SPATA6L: variants seen among roughly 807,000 people sequenced by gnomAD.
The protein encoded by SPATA6L is spermatogenesis associated 6-like protein.
A neutral mutation model predicts 49.2 loss-of-function variants in SPATA6L; 68 were observed. That is an observed-to-expected ratio of 1.38 (90% CI 1.14 to 1.69). SPATA6L has a LOEUF of 1.69. Ranked by LOEUF, SPATA6L falls within the 40% of genes most tolerant of loss-of-function variation. SPATA6L has a pLI of 0.00. For missense variants in SPATA6L, 668 were observed against 464.3 expected (o/e 1.44, Z -4.03); for synonymous variants, 198 against 165.7 (o/e 1.19, Z -1.50).
At position 4,624,404 on chromosome 9, in the gene SPATA6L, T is replaced by G. The variant is rs3780402; in HGVS notation, c.669+923A>C. Among the ~76,000 whole-genome samples, 1,201 of 152,310 alleles carry G rather than the reference T, an allele frequency of 7.9e-3. 11 individuals are homozygous for G. Among genetic ancestry groups the G allele is most frequent in the East Asian group, 0.035 (183 of 5,180 alleles). On this transcript the variant is annotated intron_variant, in intron 6 of 11. Transcript: ENST00000682582. ...CAATGGATAAATTTTTTCTTGAACT[T>G]TTCTATGTTTTCCATTACTTTTATA...
intron 5 of SPATA6L, chr9:4,626,293 G>A (rs1830333126): frequency 9.7e-7 from 1 of 1,030,072 alleles, no homozygotes; most frequent in Admixed American, 3.6e-5. Flanking sequence ...AGACATATCA[G>A]CGGCAGCTGA....
intron 7 of SPATA6L, among the ~76,000 whole-genome samples, chr9:4,620,135 C>A (rs142209733): frequency 3.6e-4 from 55 of 152,294 alleles, no homozygotes; most frequent in African/African-American, 1.1e-3. Flanking sequence ...CTCCCACCCC[C>A]AGCTGGGCAG....
At chr9:4,622,274 C>T in intron 7 of SPATA6L, 134 bp downstream of exon 7, 1 of 612,434 alleles carries the variant, frequency 1.6e-6, no homozygotes, top group Non-Finnish European at 2.8e-6. Flanking sequence ...CTGGAAATTC[C>T]ACAGCTGGAG....
chr9:4,658,130 C>G (rs1019002833), intron 2 of SPATA6L, among the ~76,000 whole-genome samples: 2 of 152,150 alleles, frequency 1.3e-5, no homozygotes, highest in African/African-American at 4.8e-5. Flanking sequence ...GAATTGTAGC[C>G]TCCAGAACAG....
At chr9:4,595,482 A>T (rs1822186960), downstream of SPATA6L, among the ~76,000 whole-genome samples, 1 of 151,966 alleles carries the variant, frequency 6.6e-6, no homozygotes, top group Admixed American at 6.6e-5. Context: ...TGGCTCCAAA[A>T]CTCTAACGGC....
Position 4,666,193 on chromosome 9 carries a change from G to C in SPATA6L, c.39+19C>G, listed in dbSNP as rs1169139593. 6.2e-7 allele frequency: 1 copy of C among 1,613,686 alleles called. No homozygotes were observed. Among genetic ancestry groups the C allele is most frequent in the Non-Finnish European group, 8.5e-7 (1 of 1,179,768 alleles). ...AGTCCGACTTGAGGTTAAGGAGGGGGAGTTCATCGATCTCTTACCGCCCGG... is the reference window on the plus strand; with the variant it reads ...AGTCCGACTTGAGGTTAAGGAGGGGCAGTTCATCGATCTCTTACCGCCCGG... On this transcript the variant is annotated intron_variant, in intron 1 of 11. Coordinates refer to ENST00000682582, the MANE Select transcript of SPATA6L (RefSeq NM_001353486.2).
At chr9:4,590,485 A>G (rs1821836010) in intron 13 of SPATA6L, among the ~76,000 whole-genome samples, 1 of 152,146 alleles carries the variant, frequency 6.6e-6, no homozygotes, top group African/African-American at 2.4e-5. Context: ...TCATCTACAA[A>G]TCTCCGCTTG....
intron 2 of SPATA6L, among the ~76,000 whole-genome samples, chr9:4,656,989 T>C (rs1170784441): frequency 2.6e-5 from 4 of 152,162 alleles, no homozygotes; most frequent in African/African-American, 9.7e-5. Flanking sequence ...GTCTCAAAAG[T>C]TTTAAGTGTA....
Position 4,625,552 on chromosome 9 carries a change from C to T in SPATA6L, c.444G>A (p.Glu148=), listed in dbSNP as rs761417724. The T allele has an allele frequency of 1.2e-5, 18 of 1,538,802 alleles. No individual in the cohort carries two copies. Among genetic ancestry groups the T allele is most frequent in the Non-Finnish European group, 1.5e-5 (17 of 1,147,116 alleles). ...HRNRFLEERH[E]SRRPLSTSHE... is the part of the protein sequence containing the mutation. The stretch of plus-strand genomic sequence containing the variant: ...GTGATGTAGATAAAGGCCTCCGTGA[C>T]TCATGTCTTTCTTCCTGAAATAAAC... The change falls in exon 6 of 12, where the codon GAG becomes GAA. Residue 148 remains glutamate (E), a synonymous_variant. Transcript: ENST00000682582.
rs1277434381 is a variant in SPATA6L, at chr9:4,652,200, C to A, written c.226+3841G>T. Among the ~76,000 whole-genome samples the A allele has an allele frequency of 2.0e-5, 3 of 152,126 alleles. No homozygotes were observed. In the East Asian group the frequency reaches 5.8e-4, roughly 29 times the overall value. The stretch of plus-strand genomic sequence containing the variant: ...CTTTCGGAGGCCAAGGCAGGAGGAT[C>A]ACCTGAGGCCGGGAGTTCAAGATCA... On this transcript the variant is annotated intron_variant, in intron 3 of 11. Coordinates refer to ENST00000682582, the MANE Select transcript of SPATA6L (RefSeq NM_001353486.2).
At chr9:4,614,071 C>G (rs1273731936) in intron 9 of SPATA6L, among the ~76,000 whole-genome samples, 1 of 152,182 alleles carries the variant, frequency 6.6e-6, no homozygotes, top group African/African-American at 2.4e-5. Flanking sequence ...ATTTGAAGAT[C>G]TCAGAGAATG....
intron 3 of SPATA6L, among the ~76,000 whole-genome samples, chr9:4,655,105 C>A (rs144965706): frequency 6.6e-6 from 1 of 152,306 alleles, no homozygotes; most frequent in African/African-American, 2.4e-5. Context: ...ATATTCACAG[C>A]ATCATTATTC....
chr9:4,641,996 G>A (rs1416526468), intron 3 of SPATA6L, among the ~76,000 whole-genome samples: 3 of 152,180 alleles, frequency 2.0e-5, no homozygotes, highest in South Asian at 2.1e-4. Flanking sequence ...CTGAACTCCT[G>A]TGCTCAAGCA....
chr9:4,620,672 TG>T (rs1252435499), intron 7 of SPATA6L, among the ~76,000 whole-genome samples: 1 of 152,196 alleles, frequency 6.6e-6, no homozygotes, highest in Admixed American at 6.5e-5. Flanking sequence ...AATGTAGGTA[TG>T]CCAAAAACTT....
chr9:4,647,982 G>C (rs921177527), intron 3 of SPATA6L, among the ~76,000 whole-genome samples: 1 of 151,916 alleles, frequency 6.6e-6, no homozygotes, highest in Non-Finnish European at 1.5e-5. Context: ...CTACAGGCAC[G>C]TACCACAGCG....
intron 13 of SPATA6L, among the ~76,000 whole-genome samples, chr9:4,592,637 TG>T (rs1821981617): frequency 6.6e-6 from 1 of 152,206 alleles, no homozygotes; most frequent in Non-Finnish European, 1.5e-5. Flanking sequence ...AACTCAAGTC[TG>T]GGGTGATCTA....
At chr9:4,602,086 C>T (rs1823447999) in intron 11 of SPATA6L, among the ~76,000 whole-genome samples, 1 of 151,854 alleles carries the variant, frequency 6.6e-6, no homozygotes, top group African/African-American at 2.4e-5. Context: ...TGCCAAACTA[C>T]TGGGTGGGAA....
In SPATA6L at chr9:4,600,501, G is replaced by C. The variant is rs1822972909; in HGVS notation, c.*310C>G. 2 of 152,024 alleles carry C rather than the reference G, an allele frequency of 1.3e-5. 1 individual carries two copies. Among genetic ancestry groups the C allele is most frequent in the African/African-American group, 4.8e-5 (2 of 41,320 alleles). 9.4% of individuals were successfully genotyped at this position (152,024 alleles called of 1,614,324 possible). On this transcript the variant is annotated 3_prime_UTR_variant, in exon 12 of 12. Transcript: ENST00000682582. ...AGAGAGCCAGAGAGAGCCAGAGAGA[G>C]AGAGAGGGGAAGTGTTCAGATAAGC...
At chr9:4,606,715 G>A (rs1301936377) in intron 9 of SPATA6L, among the ~76,000 whole-genome samples, 5 of 141,084 alleles carry the variant, frequency 3.5e-5, no homozygotes, top group African/African-American at 1.1e-4. Flanking sequence ...AGAAAAACTG[G>A]AAACTCTAAA....
Sources: allele counts gnomAD v4.1 joint callset (sites outside exome capture counted in the v4.1 genomes callset), GRCh38; gene constraint gnomAD v4.1.1; transcripts MANE v1.5; gene names NCBI Gene and HGNC (gene_info 2026-07-23, HGNC 2026-07-21).